The following DLC1 variants were observed in gnomAD, a reference collection of about 807,000 sequenced individuals.
DLC1 encodes the protein DLC1 Rho GTPase activating protein.
DLC1 carries 54 observed loss-of-function variants against 140.3 expected under a neutral mutation model. The observed-to-expected ratio is 0.38, with a 90% CI of 0.31 to 0.48. The LOEUF is 0.48. Among genes scored for constraint, DLC1 ranks in the 20% least tolerant of loss-of-function variants. The pLI, the probability that DLC1 is intolerant of heterozygous loss-of-function variation, is 0.96. For synonymous variants in DLC1, 986 were observed against 728.1 expected, an observed-to-expected ratio of 1.35 and a Z score of -5.70; for missense variants, 2,536 against 1,907.0, an observed-to-expected ratio of 1.33 and a Z score of -6.14.
At chr8:13,135,355 G>A (rs1822484676) in intron 5 of DLC1, among the ~76,000 whole-genome samples, 1 of 151,852 alleles carries the variant, frequency 6.6e-6, no homozygotes. Flanking sequence ...TAATTTTTTT[G>A]TATTTTTAGT....
intron 1 of DLC1, among the ~76,000 whole-genome samples, chr8:13,551,289 C>G (rs980533891): frequency 1.3e-5 from 2 of 151,966 alleles, no homozygotes; most frequent in African/African-American, 4.8e-5. Flanking sequence ...AAATCACAGT[C>G]TTCAGTATGT....
At chr8:13,594,956 C>G (rs560324023) in intron 1 of DLC1, among the ~76,000 whole-genome samples, 10 of 151,302 alleles carry the variant, frequency 6.6e-5, no homozygotes, top group African/African-American at 2.4e-4. Flanking sequence ...GATTCTTAAT[C>G]TTTGATTCCT....
chr8:13,195,502 G>A (rs1826994419), intron 5 of DLC1, among the ~76,000 whole-genome samples: 1 of 152,194 alleles, frequency 6.6e-6, no homozygotes, highest in Non-Finnish European at 1.5e-5. Flanking sequence ...ATGAGGTATA[G>A]TTGATGGAAA....
At chr8:13,228,100 T>C (rs191452686) in intron 5 of DLC1, among the ~76,000 whole-genome samples, 6 of 152,282 alleles carry the variant, frequency 3.9e-5, no homozygotes, top group Non-Finnish European at 8.8e-5. Context: ...TAAATCTGTA[T>C]ATAAATGGGA....
At chr8:13,149,782 G>C (rs1382846567) in intron 5 of DLC1, among the ~76,000 whole-genome samples, 2 of 152,160 alleles carry the variant, frequency 1.3e-5, no homozygotes, top group Non-Finnish European at 2.9e-5. Flanking sequence ...GTCCCCACTG[G>C]TTAAGGCTGG....
intron 2 of DLC1, among the ~76,000 whole-genome samples, chr8:13,429,132 C>T (rs982221778): frequency 3.3e-5 from 5 of 152,136 alleles, no homozygotes; most frequent in Non-Finnish European, 7.3e-5. Context: ...TCCTCAATGG[C>T]GTTTAAGGTG....
intron 5 of DLC1, among the ~76,000 whole-genome samples, chr8:13,150,147 T>C (rs895311786): frequency 6.6e-6 from 1 of 151,848 alleles, no homozygotes; most frequent in Admixed American, 6.6e-5. Flanking sequence ...CTTAGACAGC[T>C]TAAAAGAAAT....
chr8:13,412,826 G>A (rs1174230409), intron 2 of DLC1, among the ~76,000 whole-genome samples: 2 of 151,592 alleles, frequency 1.3e-5, no homozygotes, highest in Non-Finnish European at 2.9e-5. Context: ...CAGCTACTAG[G>A]GAGGCTGAGG....
intron 5 of DLC1, among the ~76,000 whole-genome samples, chr8:13,251,756 G>T (rs1031168408): frequency 6.6e-6 from 1 of 152,066 alleles, no homozygotes; most frequent in African/African-American, 2.4e-5. Flanking sequence ...TCTTTAAAAT[G>T]GGGGATAATC....
intron 1 of DLC1, among the ~76,000 whole-genome samples, chr8:13,588,368 T>C (rs926833323): frequency 6.6e-5 from 10 of 152,076 alleles, no homozygotes; most frequent in Non-Finnish European, 1.3e-4. Flanking sequence ...AGTCATTATT[T>C]TGAATTTGGT....
intron 4 of DLC1, among the ~76,000 whole-genome samples, chr8:13,343,355 A>C (rs1288683372): frequency 6.6e-6 from 1 of 152,204 alleles, no homozygotes; most frequent in African/African-American, 2.4e-5. Flanking sequence ...GTCATTCTGC[A>C]TAACTCCTGA....
chr8:13,095,030 A>G (rs2128932574), intron 11 of DLC1, 56 bp downstream of exon 11: 2 of 1,613,520 alleles, frequency 1.2e-6, no homozygotes, highest in Non-Finnish European at 1.7e-6. Flanking sequence ...AACTAGAAGA[A>G]GCTGCATGTA....
intron 5 of DLC1, among the ~76,000 whole-genome samples, chr8:13,245,217 G>A (rs2117259451): frequency 6.6e-6 from 1 of 152,322 alleles, no homozygotes; most frequent in East Asian, 1.9e-4. Flanking sequence ...GCCAGGTGTA[G>A]GTGCTCCGTT....
Position 13,393,498 on chromosome 8 carries a change from C to A in DLC1, c.1314+55G>T, listed in dbSNP as rs185063892. 2.8e-5 allele frequency: 43 copies of A among 1,548,634 alleles called. No individual in the cohort carries two copies. The Admixed American group carries it at 3.2e-4, about 12-fold the overall frequency. Reference sequence around the variant, plus strand: ...ATATCGAATGAATATCAACTCTTACCTGATGATCATCAACATTTACACGTA... The same window carrying A: ...ATATCGAATGAATATCAACTCTTACATGATGATCATCAACATTTACACGTA... On this transcript the variant is annotated intron_variant, in intron 4 of 17. Coordinates refer to ENST00000276297, the MANE Select transcript of DLC1 (RefSeq NM_182643.3).
At chr8:13,112,167 AG>A (rs1487030665) in intron 6 of DLC1, among the ~76,000 whole-genome samples, 1 of 152,072 alleles carries the variant, frequency 6.6e-6, no homozygotes, top group Non-Finnish European at 1.5e-5. Flanking sequence ...ATAAATAAAA[AG>A]TAAAAAAATC....
intron 7 of DLC1, among the ~76,000 whole-genome samples, chr8:13,108,326 G>T (rs752334969): frequency 6.6e-6 from 1 of 152,082 alleles, no homozygotes; most frequent in South Asian, 2.1e-4. Context: ...TTTTTAAAGC[G>T]CTCTGACATC....
intron 3 of DLC1, among the ~76,000 whole-genome samples, chr8:13,399,299 G>A (rs1837193251): frequency 6.6e-6 from 1 of 152,156 alleles, no homozygotes; most frequent in African/African-American, 2.4e-5. Context: ...CTGGCATGTT[G>A]GGAAGGTTTC....
chr8:13,593,891 A>G (rs1158957162), intron 1 of DLC1, among the ~76,000 whole-genome samples: 3 of 152,128 alleles, frequency 2.0e-5, no homozygotes, highest in African/African-American at 4.8e-5. Context: ...TCAAGGTAAA[A>G]TTAGAATACT....
At chr8:13,586,622 CA>C (rs1805327299) in intron 1 of DLC1, among the ~76,000 whole-genome samples, 2 of 147,244 alleles carry the variant, frequency 1.4e-5, no homozygotes, top group Admixed American at 7.0e-5. Flanking sequence ...CACACACACA[CA>C]CACCTGCATG....
Sources: gnomAD v4.1 joint callset for allele counts (sites outside exome capture counted in the v4.1 genomes callset) on GRCh38, gnomAD v4.1.1 for gene constraint, MANE v1.5 for transcripts, NCBI Gene and HGNC (gene_info 2026-07-23, HGNC 2026-07-21) for gene names.